Variants in GABPB2 observed in about 807,000 individuals in gnomAD.
GABPB2 encodes GA-binding protein subunit beta-2.
In GABPB2, 23 loss-of-function variants were observed where a neutral mutation model predicts 39.1. The ratio of observed to expected loss-of-function variants is 0.59; its 90% CI spans 0.42 to 0.83. GABPB2 has a LOEUF of 0.83. Among genes scored for constraint, GABPB2 ranks in the 40% least tolerant of loss-of-function variants. The pLI, the probability that GABPB2 is intolerant of heterozygous loss-of-function variation, is 0.00. For synonymous variants in GABPB2, 184 were observed against 199.3 expected (o/e 0.92, Z 0.65); for missense variants, 467 against 541.1 (o/e 0.86, Z 1.36).
intron 7 of GABPB2, among the ~76,000 whole-genome samples, chr1:151,115,313 G>A (rs1680774637): frequency 6.6e-6 from 1 of 151,908 alleles, no homozygotes; most frequent in Non-Finnish European, 1.5e-5. Context: ...AGCCGAGATC[G>A]CGCCATTGCA....
chr1:151,094,019 A>T (rs1369494533), intron 4 of GABPB2, among the ~76,000 whole-genome samples: 1 of 147,390 alleles, frequency 6.8e-6, no homozygotes, highest in Non-Finnish European at 1.5e-5. Context: ...TTCAGAATTT[A>T]AAATTAACTG....
chr1:151,118,094 G>A lies in GABPB2; in HGVS notation c.1185G>A (p.Gln395=). 1 of 1,614,206 alleles carries A rather than the reference G, an allele frequency of 6.2e-7. No homozygotes were observed. Among genetic ancestry groups the A allele is most frequent in the Non-Finnish European group, 8.5e-7 (1 of 1,180,040 alleles). The stretch of plus-strand genomic sequence containing the variant: ...TTAAGCTGGAGGCCATAGCCCGACA[G>A]CAGCCCAATGGAGTTGATTTCACCA... The part of the protein sequence containing the change: ...YRLKLEAIAR[Q]QPNGVDFTMV... Residue 395 remains glutamine (Q), a synonymous_variant, in exon 9 of 9, where the codon CAG becomes CAA. Coordinates refer to ENST00000368918, the MANE Select transcript of GABPB2 (RefSeq NM_144618.3).
chr1:151,081,552 G>T (rs2101449377), intron 1 of GABPB2, among the ~76,000 whole-genome samples: 1 of 152,136 alleles, frequency 6.6e-6, no homozygotes, highest in South Asian at 2.1e-4. Context: ...TTAAAAAATG[G>T]TGAGAACAAG....
chr1:151,070,843 C>T lies in GABPB2; in HGVS notation c.-92C>T, dbSNP rs1477669433. On this transcript the variant is annotated 5_prime_UTR_variant, in exon 1 of 9. Transcript: ENST00000368918. ...ACACATGAAAAGGGCAAAAAGTAAC[C>T]GTCCTTGACAGGGAGTCTTAACTAG... 6.6e-6 allele frequency: 1 copy of T among 152,178 alleles called. No individual in the cohort carries two copies. Among genetic ancestry groups the T allele is most frequent in the South Asian group, 2.1e-4 (1 of 4,836 alleles). 9.4% of individuals were successfully genotyped at this position (152,178 alleles called of 1,614,324 possible).
chr1:151,106,284 T>C (rs1317604409), intron 6 of GABPB2, among the ~76,000 whole-genome samples: 1 of 149,620 alleles, frequency 6.7e-6, no homozygotes, highest in Non-Finnish European at 1.5e-5. Flanking sequence ...CAAGATACTT[T>C]CTGAAAAAAA....
At chr1:151,079,739 A>G (rs1431503800) in intron 1 of GABPB2, among the ~76,000 whole-genome samples, 8 of 151,650 alleles carry the variant, frequency 5.3e-5, no homozygotes. Context: ...TGTACTAAGA[A>G]TACAAAATTA....
rs772601366 is a variant in GABPB2, at chr1:151,117,342, T to C, written c.923-50T>C. 5 of 1,577,124 alleles carry C rather than the reference T, an allele frequency of 3.2e-6. No individual in the cohort carries two copies. The African/African-American group carries it at 6.8e-5, about 22-fold the overall frequency. ...CTAATTAAAAGCAAGCAAAACCTCT[T>C]TGTTTTATTATGCATTCATCACCTC... On this transcript the variant is annotated intron_variant, in intron 7 of 8. Transcript: ENST00000368918.
At chr1:151,096,817 G>T (rs1390456438) in intron 4 of GABPB2, among the ~76,000 whole-genome samples, 1 of 152,112 alleles carries the variant, frequency 6.6e-6, no homozygotes, top group African/African-American at 2.4e-5. Context: ...TACTCTGCAG[G>T]GATCTCTTGC....
rs587698844 is a variant in GABPB2, at chr1:151,091,716, A to T, written c.276+1143A>T. 4.0e-5 allele frequency among the ~76,000 whole-genome samples: 6 copies of T among 151,866 alleles called. No individual in the cohort carries two copies. The East Asian group carries it at 1.2e-3, about 29-fold the overall frequency. On this transcript the variant is annotated intron_variant, in intron 3 of 8. Transcript: ENST00000368918. The stretch of plus-strand genomic sequence containing the variant: ...CTGGTCTCAAACTCCTGACCTTGTG[A>T]TCTGCCTGCCTCGGACTCCCAAAGT...
chr1:151,084,102 C>T (rs1317051841), intron 1 of GABPB2, among the ~76,000 whole-genome samples: 2 of 151,202 alleles, frequency 1.3e-5, no homozygotes, highest in East Asian at 3.9e-4. Context: ...TGGGGCCTTA[C>T]TGTGTTGCCC....
intron 1 of GABPB2, 138 bp from the exon 2 acceptor site, chr1:151,088,052 G>A: frequency 1.6e-6 from 1 of 612,410 alleles, no homozygotes; most frequent in Middle Eastern, 3.1e-4. Context: ...AGGTAGAAAG[G>A]AAGTGACCTA....
chr1:151,082,323 C>T lies in GABPB2; in HGVS notation c.1-5867C>T, dbSNP rs190237999. 3.2e-3 allele frequency among the ~76,000 whole-genome samples: 490 copies of T among 151,194 alleles called. 2 individuals are homozygous for T. The highest frequency in any genetic ancestry group is 8.1e-3 in the South Asian group (39 of 4,798). On this transcript the variant is annotated intron_variant, in intron 1 of 8. Coordinates refer to ENST00000368918, the MANE Select transcript of GABPB2 (RefSeq NM_144618.3). ...AACTCCTGACCTCAGATGATCCACC[C>T]GCTTTGGCCTCCCAAAGTGCTAGGA...
rs762539692 is a variant in GABPB2 at position 151,079,788 on chromosome 1, C to T, written c.1-8402C>T. 6.6e-5 allele frequency among the ~76,000 whole-genome samples: 10 copies of T among 151,678 alleles called. No homozygotes were observed. The South Asian group carries it at 1.5e-3, about 22-fold the overall frequency. On this transcript the variant is annotated intron_variant, in intron 1 of 8. Coordinates refer to ENST00000368918, the MANE Select transcript of GABPB2 (RefSeq NM_144618.3). ...ACACATGCCTGTAATACCAGCTACT[C>T]GGGAGGCTGAGGCAGGAGAATCGCT...
chr1:151,094,454 A>G (rs937396142), intron 4 of GABPB2, among the ~76,000 whole-genome samples: 1 of 146,308 alleles, frequency 6.8e-6, no homozygotes, highest in Non-Finnish European at 1.5e-5. Context: ...GATTCAAGTG[A>G]TTCTTCCTCC....
At chr1:151,080,354 A>T (rs1390373937) in intron 1 of GABPB2, among the ~76,000 whole-genome samples, 1 of 150,254 alleles carries the variant, frequency 6.7e-6, no homozygotes, top group Non-Finnish European at 1.5e-5. Context: ...TCTACTAAAA[A>T]TACAATATTA....
Position 151,117,379 on chromosome 1 carries a change from C to T in GABPB2, c.923-13C>T. Reference sequence around the variant, plus strand: ...GCATTCATCACCTCCAATTGGTGTCCTTTGACTTGTAGTTCTAACTGTACC... The same window carrying T: ...GCATTCATCACCTCCAATTGGTGTCTTTTGACTTGTAGTTCTAACTGTACC... On this transcript the variant is annotated splice_polypyrimidine_tract_variant and intron_variant, in intron 7 of 8. Transcript: ENST00000368918. 6.2e-7 allele frequency: 1 copy of T among 1,612,206 alleles called. No homozygotes were observed. The highest frequency in any genetic ancestry group is 1.1e-5 in the South Asian group (1 of 90,810).
At chr1:151,093,612 A>T (rs1342068359) in intron 4 of GABPB2, among the ~76,000 whole-genome samples, 1 of 148,632 alleles carries the variant, frequency 6.7e-6, no homozygotes, top group Non-Finnish European at 1.5e-5. Context: ...TATTTTTTAT[A>T]TATATTTTTT....
At chr1:151,114,056 A>C (rs890765738) in intron 7 of GABPB2, among the ~76,000 whole-genome samples, 8 of 152,086 alleles carry the variant, frequency 5.3e-5, no homozygotes, top group African/African-American at 1.7e-4. Context: ...CTATCTAAAA[A>C]TAAAACTGGC....
At position 151,090,725 on chromosome 1, in the gene GABPB2, G is replaced by A. The variant is rs369938894; in HGVS notation, c.276+152G>A. 3.1e-5 allele frequency: 23 copies of A among 731,224 alleles called. 1 individual carries two copies. Among genetic ancestry groups the A allele is most frequent in the Admixed American group, 2.9e-4 (10 of 33,946 alleles). The allele number at this position is 731,224 out of a possible 1,614,324, so 45.3% of individuals were successfully genotyped here. A position where few individuals can be genotyped will look rare whatever the true frequency, so the allele number is the denominator to read the frequency against. On this transcript the variant is annotated intron_variant, in intron 3 of 8. Transcript: ENST00000368918. ...GCATCTCCAGGAGTCTTCATGGCAG[G>A]CCGGGTGCCTATAATCCCAGCACTT...
Sources: allele counts gnomAD v4.1 joint callset (sites outside exome capture counted in the v4.1 genomes callset), GRCh38; gene constraint gnomAD v4.1.1; transcripts MANE v1.5; gene names NCBI Gene and HGNC (gene_info 2026-07-23, HGNC 2026-07-21).